The following OPCML variants were observed in gnomAD, a reference collection of about 807,000 sequenced individuals.
The protein encoded by OPCML is opioid-binding protein/cell adhesion molecule.
Under a neutral mutation model 37.8 loss-of-function variants are expected in OPCML, and 13 were observed. The ratio of observed to expected loss-of-function variants is 0.34; its 90% confidence interval spans 0.22 to 0.55. The LOEUF is 0.55. Among genes scored for constraint, OPCML ranks in the 20% least tolerant of loss-of-function variants. The probability of loss-of-function intolerance (pLI) is 0.91; values close to 1 mark genes in which losing one functional copy is unlikely to be tolerated. For synonymous variants in OPCML, 176 were observed against 168.8 expected (o/e 1.04, Z -0.33); for missense variants, 341 against 435.6 (o/e 0.78, Z 1.93).
At position 133,038,595 on chromosome 11, in the gene OPCML, C is replaced by A. The variant is rs576559756; in HGVS notation, c.62-95585G>T. 2.0e-5 allele frequency among the ~76,000 whole-genome samples: 3 copies of A among 152,184 alleles called. No homozygotes were observed. The South Asian group carries it at 6.2e-4, about 32-fold the overall frequency. On this transcript the variant is annotated intron_variant, in intron 1 of 7. Transcript: ENST00000524381. ...ATATTAGAGAATGCATAACTTAACTCTTTTATAGGGATCATTATTATCCCC... is the reference window on the plus strand; with the variant it reads ...ATATTAGAGAATGCATAACTTAACTATTTTATAGGGATCATTATTATCCCC...
At chr11:132,799,363 C>A (rs1938513605) in intron 2 of OPCML, among the ~76,000 whole-genome samples, 1 of 152,182 alleles carries the variant, frequency 6.6e-6, no homozygotes, top group South Asian at 2.1e-4. Flanking sequence ...GAACCAACTT[C>A]TGCTAGCTTC....
At chr11:132,559,464 G>T (rs945887049) in intron 3 of OPCML, among the ~76,000 whole-genome samples, 1 of 152,190 alleles carries the variant, frequency 6.6e-6, no homozygotes, top group Non-Finnish European at 1.5e-5. Context: ...TATGGAAATA[G>T]GTAAAAGCTA....
chr11:132,459,348 A>G (rs952971194), intron 4 of OPCML, among the ~76,000 whole-genome samples: 2 of 151,380 alleles, frequency 1.3e-5, no homozygotes, highest in African/African-American at 4.9e-5. Flanking sequence ...AGGTCTTGGG[A>G]CTTCTCAGCC....
chr11:132,540,720 GA>G (rs1371522074), intron 3 of OPCML, among the ~76,000 whole-genome samples: 3 of 152,198 alleles, frequency 2.0e-5, no homozygotes, highest in Non-Finnish European at 4.4e-5. Flanking sequence ...GGGGCTGGGT[GA>G]CATCACAAAC....
chr11:132,757,564 T>C (rs1946098675), intron 2 of OPCML, among the ~76,000 whole-genome samples: 1 of 152,228 alleles, frequency 6.6e-6, no homozygotes, highest in Admixed American at 6.5e-5. Flanking sequence ...ATGATGAGCT[T>C]TTTTTCATAT....
intron 1 of OPCML, among the ~76,000 whole-genome samples, chr11:133,207,816 T>C (rs1185924583): frequency 6.6e-6 from 1 of 152,166 alleles, no homozygotes; most frequent in South Asian, 2.1e-4. Context: ...TCTTGCAATA[T>C]GAGAGGACCA....
At chr11:132,736,687 C>T (rs764266314) in intron 2 of OPCML, among the ~76,000 whole-genome samples, 6 of 152,170 alleles carry the variant, frequency 3.9e-5, no homozygotes, top group East Asian at 1.9e-4. Context: ...GAGAGGGACA[C>T]ATGATATGAA....
chr11:132,979,651 C>T (rs1002871159), intron 1 of OPCML, among the ~76,000 whole-genome samples: 3 of 152,306 alleles, frequency 2.0e-5, no homozygotes, highest in South Asian at 2.1e-4. Flanking sequence ...CAAATTAATG[C>T]ATTTATTGTT....
At chr11:133,345,467 G>A (rs541043602) in intron 1 of OPCML, among the ~76,000 whole-genome samples, 51 of 152,056 alleles carry the variant, frequency 3.4e-4, no homozygotes, top group Admixed American at 2.7e-3. Flanking sequence ...ATAATCTTAC[G>A]GCAGTAATGT....
At chr11:132,995,973 C>A (rs1481004773) in intron 1 of OPCML, among the ~76,000 whole-genome samples, 1 of 152,176 alleles carries the variant, frequency 6.6e-6, no homozygotes, top group Non-Finnish European at 1.5e-5. Context: ...GCAGCCCCAG[C>A]CAAGAGTCTT....
intron 1 of OPCML, among the ~76,000 whole-genome samples, chr11:133,424,978 A>T (rs552945947): frequency 6.6e-6 from 1 of 152,252 alleles, no homozygotes; most frequent in Non-Finnish European, 1.5e-5. Flanking sequence ...TTAACATGAC[A>T]TGACTATTCC....
Position 132,542,587 on chromosome 11 carries a change from G to T in OPCML, c.380-13401C>A, listed in dbSNP as rs193047960. On this transcript the variant is annotated intron_variant, in intron 3 of 7. Coordinates refer to ENST00000524381, the MANE Select transcript of OPCML (RefSeq NM_001012393.5). ...TGCAACCTGGCACCTGGCGACTTGG[G>T]AGTATTGACAGACTCCTGCCCTGCT... is the stretch of plus-strand genomic sequence containing the variant. Among the ~76,000 whole-genome samples, 82 of 152,188 alleles carry T rather than the reference G, an allele frequency of 5.4e-4. 1 individual carries two copies. In the Middle Eastern group the frequency reaches 0.014, roughly 25 times the overall value.
intron 2 of OPCML, among the ~76,000 whole-genome samples, chr11:132,833,468 G>A (rs1188202755): frequency 6.6e-6 from 1 of 152,176 alleles, no homozygotes; most frequent in African/African-American, 2.4e-5. Context: ...CCTCCTGAAG[G>A]CCCTGCCTGA....
intron 2 of OPCML, among the ~76,000 whole-genome samples, chr11:132,805,075 T>C (rs895641895): frequency 6.6e-6 from 1 of 152,094 alleles, no homozygotes; most frequent in African/African-American, 2.4e-5. Context: ...AATCTTGACA[T>C]AGAAATTGAA....
At chr11:133,389,690 C>T (rs1945127841) in intron 1 of OPCML, among the ~76,000 whole-genome samples, 1 of 152,130 alleles carries the variant, frequency 6.6e-6, no homozygotes, top group Non-Finnish European at 1.5e-5. Flanking sequence ...AATCACAAAG[C>T]CAGTCCATCT....
intron 1 of OPCML, chr11:133,025,925 G>T (rs1473758900): frequency 4.2e-6 from 1 of 239,666 alleles, no homozygotes; most frequent in African/African-American, 2.3e-5. Context: ...GGTAGAGATG[G>T]GGTTTCACCA....
At chr11:133,269,608 T>G (rs1408228126) in intron 1 of OPCML, among the ~76,000 whole-genome samples, 1 of 152,200 alleles carries the variant, frequency 6.6e-6, no homozygotes, top group Admixed American at 6.5e-5. Context: ...ACTGTGAATT[T>G]CACTTAAAGC....
At chr11:133,069,682 G>A (rs1390430529) in intron 1 of OPCML, among the ~76,000 whole-genome samples, 4 of 152,184 alleles carry the variant, frequency 2.6e-5, no homozygotes, top group African/African-American at 9.7e-5. Context: ...GTGGACAAAT[G>A]GCATTGTCTC....
intron 1 of OPCML, among the ~76,000 whole-genome samples, chr11:133,497,470 C>T (rs532095105): frequency 7.2e-5 from 11 of 152,188 alleles, no homozygotes; most frequent in African/African-American, 2.4e-4. Flanking sequence ...TCTGGTCCCC[C>T]CCGATTCACT....
Sources: gnomAD v4.1 joint callset for allele counts (sites outside exome capture counted in the v4.1 genomes callset) on GRCh38, gnomAD v4.1.1 for gene constraint, MANE v1.5 for transcripts, NCBI Gene and HGNC (gene_info 2026-07-23, HGNC 2026-07-21) for gene names.